The following CNTN1 variants were observed in gnomAD, a reference collection of about 807,000 sequenced individuals.
The protein encoded by CNTN1 is contactin 1, also known as contactin-1.
CNTN1 carries 38 observed loss-of-function variants against 126.4 expected under a neutral mutation model. That is an observed-to-expected ratio of 0.30 (90% confidence interval 0.23 to 0.39). CNTN1 has a LOEUF of 0.39. Among genes scored for constraint, CNTN1 ranks in the 10% least tolerant of loss-of-function variants. CNTN1 has a pLI of 1.00. For missense variants in CNTN1, 1,009 were observed against 1,248.4 expected (o/e 0.81, Z 2.89); for synonymous variants, 413 against 422.6 (o/e 0.98, Z 0.28).
chr12:41,043,020 C>T (rs956217482), intron 23 of CNTN1, among the ~76,000 whole-genome samples: 104 of 151,380 alleles, frequency 6.9e-4, no homozygotes, highest in African/African-American at 2.4e-3. Flanking sequence ...TAAAGACTTA[C>T]ATGTTAGACC....
At chr12:40,894,327 C>G in intron 1 of CNTN1, among the ~76,000 whole-genome samples, 1 of 152,076 alleles carries the variant, frequency 6.6e-6, no homozygotes, top group East Asian at 1.9e-4. Flanking sequence ...TATCCTTCCT[C>G]CCAATTGTTA....
chr12:40,972,523 A>G (rs1947549593), intron 15 of CNTN1: 1 of 870,632 alleles, frequency 1.1e-6, no homozygotes, highest in Non-Finnish European at 1.4e-6. Flanking sequence ...CTTTGAGGGA[A>G]ATGAATATAA....
chr12:40,791,913 C>T (rs546262683), intron 1 of CNTN1, among the ~76,000 whole-genome samples: 6 of 152,218 alleles, frequency 3.9e-5, no homozygotes, highest in Non-Finnish European at 8.8e-5. Flanking sequence ...TCTGATCAAT[C>T]TACTCATGTT....
intron 1 of CNTN1, among the ~76,000 whole-genome samples, chr12:40,767,331 C>A (rs1199771970): frequency 6.2e-5 from 4 of 64,640 alleles, no homozygotes; most frequent in East Asian, 5.3e-4. Flanking sequence ...TTTTTTGAGA[C>A]GGAGTCTCGC....
At chr12:40,978,782 G>C (rs895626316) in intron 15 of CNTN1, 2 of 152,090 alleles carry the variant, frequency 1.3e-5, no homozygotes, top group African/African-American at 4.8e-5. Context: ...GCAGGGAAAT[G>C]ATTTACATTT....
intron 1 of CNTN1, among the ~76,000 whole-genome samples, chr12:40,887,407 GA>G (rs2136714497): frequency 6.6e-6 from 1 of 152,230 alleles, no homozygotes; most frequent in African/African-American, 2.4e-5. Context: ...AAAAACACAT[GA>G]AAAAATGCTC....
chr12:40,846,496 G>C (rs1370149759), intron 1 of CNTN1, among the ~76,000 whole-genome samples: 2 of 152,080 alleles, frequency 1.3e-5, no homozygotes, highest in Admixed American at 6.6e-5. Flanking sequence ...ATGCTTCCAT[G>C]AAGTCCTGGC....
intron 23 of CNTN1, among the ~76,000 whole-genome samples, chr12:41,040,020 G>C (rs1949362163): frequency 6.6e-6 from 1 of 152,004 alleles, no homozygotes; most frequent in Admixed American, 6.6e-5. Flanking sequence ...CACTTGAGAG[G>C]CCTCAGCTTC....
chr12:40,948,440 A>G (rs1467939140), intron 14 of CNTN1, among the ~76,000 whole-genome samples: 1 of 151,468 alleles, frequency 6.6e-6, no homozygotes, highest in East Asian at 1.9e-4. Context: ...TACTGTTTAG[A>G]CAGAATTGGG....
intron 1 of CNTN1, among the ~76,000 whole-genome samples, chr12:40,791,214 G>A (rs1433015284): frequency 6.6e-6 from 1 of 152,072 alleles, no homozygotes; most frequent in African/African-American, 2.4e-5. Flanking sequence ...AATGAAAAGA[G>A]ACTCACTTTT....
chr12:40,939,136 T>G (rs1946178249), intron 11 of CNTN1, among the ~76,000 whole-genome samples, 199 bp from the exon 12 acceptor site: 1 of 152,170 alleles, frequency 6.6e-6, no homozygotes, highest in African/African-American at 2.4e-5. Context: ...TTGAATTGGG[T>G]GAATTTTATA....
chr12:40,753,971 ACT>A (rs1176647824), intron 1 of CNTN1, among the ~76,000 whole-genome samples: 1 of 152,028 alleles, frequency 6.6e-6, no homozygotes, highest in East Asian at 1.9e-4. Context: ...TCTATTATTC[ACT>A]GTTATGAAAA....
intron 1 of CNTN1, among the ~76,000 whole-genome samples, chr12:40,883,597 A>C (rs545723412): frequency 6.6e-6 from 1 of 151,574 alleles, no homozygotes; most frequent in Admixed American, 6.6e-5. Flanking sequence ...GGTTTAAAGA[A>C]TGTTGCTAGG....
At chr12:40,903,150 G>A (rs1038627858) in intron 1 of CNTN1, among the ~76,000 whole-genome samples, 1 of 152,150 alleles carries the variant, frequency 6.6e-6, no homozygotes, top group African/African-American at 2.4e-5. Flanking sequence ...GAGACCCACA[G>A]AGCTGCATGA....
chr12:40,849,121 T>A (rs1335102134), intron 1 of CNTN1, among the ~76,000 whole-genome samples: 1 of 152,096 alleles, frequency 6.6e-6, no homozygotes, highest in African/African-American at 2.4e-5. Context: ...TGGCTTAATC[T>A]CTCTAAGCTT....
intron 12 of CNTN1, among the ~76,000 whole-genome samples, chr12:40,942,475 A>C (rs567952399): frequency 3.3e-5 from 5 of 152,114 alleles, no homozygotes; most frequent in Non-Finnish European, 7.4e-5. Flanking sequence ...TCAAAAATGC[A>C]TATCAGAGGA....
intron 23 of CNTN1, among the ~76,000 whole-genome samples, chr12:41,069,205 A>C (rs1950111125): frequency 6.6e-6 from 1 of 152,186 alleles, no homozygotes; most frequent in African/African-American, 2.4e-5. Flanking sequence ...ATATTATAAT[A>C]CATCATTTCA....
At chr12:40,801,958 CA>C (rs548622499) in intron 1 of CNTN1, among the ~76,000 whole-genome samples, 88 of 140,836 alleles carry the variant, frequency 6.2e-4, no homozygotes, top group South Asian at 5.6e-3. Context: ...CAATGAAGAT[CA>C]AAAAAAAAAG....
intron 1 of CNTN1, among the ~76,000 whole-genome samples, chr12:40,770,184 C>T (rs927412328): frequency 1.8e-4 from 27 of 152,002 alleles, no homozygotes; most frequent in African/African-American, 6.5e-4. Context: ...CAGAGTATGC[C>T]ACTGTTACCT....
Sources: allele counts gnomAD v4.1 joint callset (sites outside exome capture counted in the v4.1 genomes callset), GRCh38; gene constraint gnomAD v4.1.1; transcripts MANE v1.5; gene names NCBI Gene and HGNC (gene_info 2026-07-23, HGNC 2026-07-21).